ALDH1L2: variants seen among roughly 807,000 people sequenced by gnomAD.
ALDH1L2 encodes mitochondrial 10-formyltetrahydrofolate dehydrogenase.
In ALDH1L2, 91 loss-of-function variants were observed where a neutral mutation model predicts 111.0. The ratio of observed to expected loss-of-function variants is 0.82; its 90% confidence interval spans 0.69 to 0.98. The LOEUF (loss-of-function observed/expected upper bound fraction) is 0.98, where lower values mean the gene tolerates loss of function less well. Ranked by LOEUF, ALDH1L2 falls within the 50% of genes least tolerant of loss-of-function variation. The pLI is 0.00. For synonymous variants in ALDH1L2, 374 were observed against 392.6 expected (o/e 0.95, Z 0.56); for missense variants, 995 against 1,126.8 (o/e 0.88, Z 1.67).
chr12:105,067,297 T>C (rs1877430722), intron 4 of ALDH1L2, among the ~76,000 whole-genome samples: 1 of 151,732 alleles, frequency 6.6e-6, no homozygotes, highest in African/African-American at 2.4e-5. Flanking sequence ...CTTGTAGGTG[T>C]CAGAAACAGG....
At chr12:105,024,510 C>G (rs771381547) in intron 22 of ALDH1L2, 31 bp from the exon 23 acceptor site, 1 of 1,604,370 alleles carries the variant, frequency 6.2e-7, no homozygotes, top group African/African-American at 1.3e-5. Context: ...TGACAGACCA[C>G]ATTCAGAGGC....
At chr12:105,040,731 C>T (rs2136061955) in intron 15 of ALDH1L2, 37 bp from the exon 16 acceptor site, 4 of 1,576,720 alleles carry the variant, frequency 2.5e-6, no homozygotes, top group Non-Finnish European at 3.5e-6. Context: ...TTCTTCAGGC[C>T]CTAACCTGAC....
Position 105,065,344 on chromosome 12 carries a change from G to T in ALDH1L2, c.709C>A (p.Gln237Lys). 2 of 1,612,096 alleles carry T rather than the reference G, an allele frequency of 1.2e-6. No individual in the cohort carries two copies. Among genetic ancestry groups the T allele is most frequent in the Non-Finnish European group, 1.7e-6 (2 of 1,178,522 alleles). The change falls in exon 6 of 23, where the codon CAG becomes AAG. Residue 237 changes from glutamine to lysine, a missense_variant. By Grantham distance (53) the Gln-to-Lys change is moderately conservative. Coordinates refer to ENST00000258494, the MANE Select transcript of ALDH1L2 (RefSeq NM_001034173.4). Reference protein sequence around the residue: ...KKENAEISWDQSAEVLHNWIR... With the variant: ...KKENAEISWDKSAEVLHNWIR... Reference sequence around the variant, plus strand: ...CAGTTATGTAAAACTTCGGCAGACTGGTCCCAAGAAATCTAGGAAGGCACA... The same window carrying T: ...CAGTTATGTAAAACTTCGGCAGACTTGTCCCAAGAAATCTAGGAAGGCACA...
At chr12:105,079,584 A>G (rs908170632) in intron 1 of ALDH1L2, among the ~76,000 whole-genome samples, 3 of 152,306 alleles carry the variant, frequency 2.0e-5, no homozygotes, top group South Asian at 2.1e-4. Context: ...AAAGGGAGAG[A>G]CAGTCCAAAG....
intron 17 of ALDH1L2, among the ~76,000 whole-genome samples, chr12:105,038,656 C>T (rs758476992): frequency 1.3e-5 from 2 of 151,884 alleles, no homozygotes; most frequent in African/African-American, 4.8e-5. Context: ...CAGTGTTAGA[C>T]CGTGTCTCTT....
At chr12:105,069,601 T>A (rs2136103514) in intron 3 of ALDH1L2, among the ~76,000 whole-genome samples, 1 of 152,350 alleles carries the variant, frequency 6.6e-6, no homozygotes, top group African/African-American at 2.4e-5. Context: ...TACTAAATAA[T>A]AGTGTGTTAT....
intron 1 of ALDH1L2, among the ~76,000 whole-genome samples, chr12:105,083,224 C>T (rs1878410017): frequency 6.6e-6 from 1 of 152,204 alleles, no homozygotes; most frequent in African/African-American, 2.4e-5. Flanking sequence ...CAGCCCGTTG[C>T]TTTCTGTGCT....
At chr12:105,031,653 TA>T in intron 20 of ALDH1L2, 115 bp downstream of exon 20, 1 of 1,438,970 alleles carries the variant, frequency 6.9e-7, no homozygotes, top group Middle Eastern at 2.6e-4. Context: ...CACACTGGGC[TA>T]ATTTTTGGTA....
At chr12:105,079,823 A>G (rs375523567) in intron 1 of ALDH1L2, among the ~76,000 whole-genome samples, 6 of 152,160 alleles carry the variant, frequency 3.9e-5, no homozygotes, top group Admixed American at 1.3e-4. Context: ...GGAAACTACT[A>G]TTGTTTGGTG....
rs34116328 is a variant in ALDH1L2 at position 105,049,047 on chromosome 12, AT to A, written c.1686+860del. Among the ~76,000 whole-genome samples, 96 of 151,256 alleles carry A rather than the reference AT, an allele frequency of 6.3e-4. 1 individual carries two copies. Among genetic ancestry groups the A allele is most frequent in the African/African-American group, 2.1e-3 (88 of 41,150 alleles). On this transcript the variant is annotated intron_variant, in intron 13 of 22. Transcript: ENST00000258494. ...TCCATCTCAAAAGAAAGAAAAAAAA[AT>A]TTTTTTTTAATTTATTTCTCCTAGG...
intron 19 of ALDH1L2, 140 bp from the exon 20 acceptor site, chr12:105,032,074 G>GTTTTT: frequency 1.9e-6 from 1 of 534,590 alleles, no homozygotes; most frequent in Non-Finnish European, 2.9e-6. Context: ...TAGGTGGTTG[G>GTTTTT]TTTTTTTTTT....
chr12:105,052,814 A>T lies in ALDH1L2; in HGVS notation c.1405T>A (p.Ser469Thr), dbSNP rs967617888. The T allele has an allele frequency of 6.2e-7, 1 of 1,614,128 alleles. No individual in the cohort carries two copies. The highest frequency in any genetic ancestry group is 8.5e-7 in the Non-Finnish European group (1 of 1,179,990). Residue 469 changes from serine (S) to threonine (T), a missense_variant and splice_region_variant, in exon 11 of 23, where the codon TCT becomes ACT. Ser to Thr is a moderately conservative substitution (Grantham distance 58, BLOSUM62 1). Transcript: ENST00000258494. Reference sequence around the variant, plus strand: ...ACTCACACTAAAGAATTACTCACAGATCCATCTGTTGGGTTGATAGTGTCG... The same window carrying T: ...ACTCACACTAAAGAATTACTCACAGTTCCATCTGTTGGGTTGATAGTGTCG... The part of the protein sequence containing the change: ...TYDTINPTDG[S>T]TICKVSYASL...
rs77352169 is a variant in ALDH1L2 at position 105,071,156 on chromosome 12, C to T, written c.194-352G>A. ...TTGGAGGCATGTGCCAATACTTCAC[C>T]CACCAATTTAACATACTCACCTCTG... is the stretch of plus-strand genomic sequence containing the variant. On this transcript the variant is annotated intron_variant, in intron 2 of 22. Coordinates refer to ENST00000258494, the MANE Select transcript of ALDH1L2 (RefSeq NM_001034173.4). Among the ~76,000 whole-genome samples the T allele has an allele frequency of 4.5e-3, 692 of 152,192 alleles. 21 individuals carry two copies. In the East Asian group the frequency reaches 0.079, roughly 17 times the overall value.
chr12:105,022,078 A>G lies in ALDH1L2; in HGVS notation c.*2346T>C, dbSNP rs567927842. 64 of 152,354 alleles carry G rather than the reference A, an allele frequency of 4.2e-4. 1 individual carries two copies. The highest frequency in any genetic ancestry group is 1.3e-3 in the African/African-American group (56 of 41,582). 9.4% of individuals were successfully genotyped at this position (152,354 alleles called of 1,614,324 possible). A position where few individuals can be genotyped will look rare whatever the true frequency, so the allele number is the denominator to read the frequency against. ...TAATCCGTGATCTAAAGCAACAGCG[A>G]TGATTTTATTACTCTATGTGTTAAG... is the stretch of plus-strand genomic sequence containing the variant. On this transcript the variant is annotated 3_prime_UTR_variant, in exon 23 of 23. Coordinates refer to ENST00000258494, the MANE Select transcript of ALDH1L2 (RefSeq NM_001034173.4).
intron 4 of ALDH1L2, among the ~76,000 whole-genome samples, chr12:105,067,008 C>T (rs1877396506): frequency 6.6e-6 from 1 of 151,950 alleles, no homozygotes; most frequent in Admixed American, 6.6e-5. Context: ...GCAGGCGGAT[C>T]ACGAAGTCAG....
chr12:105,038,582 G>A (rs920413532), intron 17 of ALDH1L2, among the ~76,000 whole-genome samples: 1 of 152,006 alleles, frequency 6.6e-6, no homozygotes, highest in Non-Finnish European at 1.5e-5. Context: ...CAGGAGGATC[G>A]TTTGAGCCCA....
chr12:105,035,839 A>G (rs7298427), intron 18 of ALDH1L2, among the ~76,000 whole-genome samples: 33,128 of 100,042 alleles, frequency 0.33, 7,710 homozygotes, highest in East Asian at 0.66. Flanking sequence ...ATATATATAT[A>G]TGTGTGTGTG....
chr12:105,062,298 A>G (rs1192950375), intron 7 of ALDH1L2, among the ~76,000 whole-genome samples: 1 of 151,950 alleles, frequency 6.6e-6, no homozygotes, highest in African/African-American at 2.4e-5. Flanking sequence ...TGCCACACAG[A>G]CAGTAAGTAA....
chr12:105,073,629 C>A (rs1246685075), intron 2 of ALDH1L2: 15 of 513,244 alleles, frequency 2.9e-5, no homozygotes, highest in Non-Finnish European at 4.4e-5. Context: ...GTCACTCTTG[C>A]AAATAGATTT....
Sources: allele counts gnomAD v4.1 joint callset (sites outside exome capture counted in the v4.1 genomes callset), GRCh38; gene constraint gnomAD v4.1.1; transcripts MANE v1.5; gene names NCBI Gene and HGNC (gene_info 2026-07-23, HGNC 2026-07-21).